The following SRGAP3 variants were observed in gnomAD, a reference collection of about 807,000 sequenced individuals.
SRGAP3 encodes SLIT-ROBO Rho GTPase activating protein 3.
Under a neutral mutation model 121.1 loss-of-function variants are expected in SRGAP3, and 39 were observed. The ratio of observed to expected loss-of-function variants is 0.32; its 90% CI spans 0.25 to 0.42. SRGAP3 has a LOEUF of 0.42. Ranked by LOEUF, SRGAP3 falls within the 10% of genes least tolerant of loss-of-function variation. The probability of loss-of-function intolerance (pLI) is 1.00; values close to 1 mark genes in which losing one functional copy is unlikely to be tolerated. For synonymous variants in SRGAP3, 601 were observed against 570.0 expected, an observed-to-expected ratio of 1.05 and a Z score of -0.77; for missense variants, 1,213 against 1,470.6, an observed-to-expected ratio of 0.82 and a Z score of 2.86.
chr3:9,025,304 T>C lies in SRGAP3; in HGVS notation c.1635A>G (p.Gly545=). 1 of 1,614,166 alleles carries C rather than the reference T, an allele frequency of 6.2e-7. No homozygotes were observed. Among genetic ancestry groups the C allele is most frequent in the East Asian group, 2.2e-5 (1 of 44,890 alleles). ...TGATGTCATTGACTTCCACCTGAGA[T>C]CCTGGCACTCTGAAGATCCCCTGCT... ...LQQQGIFRVP[G]SQVEVNDIKN... The change falls in exon 14 of 22, where the codon GGA becomes GGG. Residue 545 remains glycine (G), a synonymous_variant. Coordinates refer to ENST00000383836, the MANE Select transcript of SRGAP3 (RefSeq NM_014850.4).
chr3:9,252,310 C>G (rs80267437), upstream of SRGAP3, among the ~76,000 whole-genome samples: 12 of 151,268 alleles, frequency 7.9e-5, no homozygotes, highest in East Asian at 2.3e-3. Flanking sequence ...TTTTTTTTTT[C>G]TCAAGATGGG....
At chr3:9,255,502 C>T (rs1315767917) in intron 3 of SRGAP3, among the ~76,000 whole-genome samples, 1 of 152,236 alleles carries the variant, frequency 6.6e-6, no homozygotes, top group Non-Finnish European at 1.5e-5. Flanking sequence ...GGCAAAGTCT[C>T]TCCCAGGAGT....
At chr3:9,041,742 C>A (rs1166605101) in intron 10 of SRGAP3, among the ~76,000 whole-genome samples, 1 of 152,194 alleles carries the variant, frequency 6.6e-6, no homozygotes, top group Non-Finnish European at 1.5e-5. Context: ...TCTCTGAAAC[C>A]AGTGCCATCT....
intron 3 of SRGAP3, among the ~76,000 whole-genome samples, chr3:9,263,113 G>A (rs1347099154): frequency 5.9e-5 from 9 of 152,180 alleles, no homozygotes; most frequent in Non-Finnish European, 1.3e-4. Context: ...GCTCCTGAAT[G>A]ATTATTGGGT....
At chr3:9,325,052 T>A (rs1955495114) in intron 3 of SRGAP3, among the ~76,000 whole-genome samples, 1 of 151,898 alleles carries the variant, frequency 6.6e-6, no homozygotes, top group South Asian at 2.1e-4. Flanking sequence ...GTTACCGTCA[T>A]TTTGGGTTTC....
chr3:9,097,284 C>T (rs1948025045), intron 3 of SRGAP3, among the ~76,000 whole-genome samples: 2 of 151,968 alleles, frequency 1.3e-5, no homozygotes, highest in Non-Finnish European at 2.9e-5. Context: ...AGCCACCATG[C>T]CTGGCCTAAT....
chr3:8,988,876 G>A (rs917568182), intron 21 of SRGAP3, among the ~76,000 whole-genome samples: 5 of 152,122 alleles, frequency 3.3e-5, no homozygotes, highest in Admixed American at 6.5e-5. Context: ...TAATGCCCCC[G>A]CTGATCTGAC....
chr3:9,260,032 T>C (rs1190972134), intron 3 of SRGAP3, among the ~76,000 whole-genome samples: 1 of 151,656 alleles, frequency 6.6e-6, no homozygotes, highest in African/African-American at 2.4e-5. Context: ...TCGCCTTACC[T>C]GGGAAGCACA....
intron 4 of SRGAP3, among the ~76,000 whole-genome samples, chr3:9,071,338 G>A (rs758827810): frequency 6.6e-6 from 1 of 152,046 alleles, no homozygotes; most frequent in Non-Finnish European, 1.5e-5. Context: ...TGGTTCATGG[G>A]AGTTTGACAT....
chr3:9,317,652 G>A (rs1955370261), intron 3 of SRGAP3, among the ~76,000 whole-genome samples: 1 of 152,236 alleles, frequency 6.6e-6, no homozygotes, highest in Non-Finnish European at 1.5e-5. Flanking sequence ...AGAGAAAACA[G>A]AAGTGATGTA....
chr3:9,009,435 A>T (rs976109719), intron 18 of SRGAP3, among the ~76,000 whole-genome samples: 7 of 152,190 alleles, frequency 4.6e-5, no homozygotes, highest in African/African-American at 1.7e-4. Context: ...CCCTTCCTCC[A>T]TTCAAAAAAA....
chr3:9,203,067 G>A (rs900857896), intron 1 of SRGAP3, among the ~76,000 whole-genome samples: 3 of 152,248 alleles, frequency 2.0e-5, no homozygotes, highest in Admixed American at 6.5e-5. Flanking sequence ...CATAGACACC[G>A]ATCCTGAGAG....
At position 9,047,371 on chromosome 3, in the gene SRGAP3, G is replaced by C. The variant is rs750273936; in HGVS notation, c.1408+20C>G. On this transcript the variant is annotated intron_variant, in intron 10 of 21. Transcript: ENST00000383836. ...TGGGGAACGCAGCACCTCCCAGAGGGCCTCCACCAGCCCACTCACCTTCGC... is the reference window on the plus strand; with the variant it reads ...TGGGGAACGCAGCACCTCCCAGAGGCCCTCCACCAGCCCACTCACCTTCGC... 8 of 1,613,374 alleles carry C rather than the reference G, an allele frequency of 5.0e-6. No homozygotes were observed. The East Asian group carries it at 1.8e-4, about 36-fold the overall frequency.
At chr3:9,164,076 C>A (rs977904534) in intron 1 of SRGAP3, among the ~76,000 whole-genome samples, 1 of 143,354 alleles carries the variant, frequency 7.0e-6, no homozygotes, top group Non-Finnish European at 1.5e-5. Context: ...CGGCTCACTG[C>A]AACCTCCGCC....
intron 3 of SRGAP3, among the ~76,000 whole-genome samples, chr3:9,267,034 T>C (rs1011236728): frequency 1.3e-5 from 2 of 152,142 alleles, no homozygotes; most frequent in Admixed American, 6.5e-5. Context: ...TTTTAGGAAA[T>C]GAACGCAGCA....
chr3:9,073,343 C>T (rs1305814953), intron 4 of SRGAP3, among the ~76,000 whole-genome samples: 2 of 152,166 alleles, frequency 1.3e-5, no homozygotes, highest in Non-Finnish European at 2.9e-5. Flanking sequence ...GAGGGTTTTG[C>T]CACGTTGCCC....
At chr3:9,017,674 T>C (rs1305622613) in intron 14 of SRGAP3, among the ~76,000 whole-genome samples, 1 of 152,214 alleles carries the variant, frequency 6.6e-6, no homozygotes, top group Admixed American at 6.5e-5. Flanking sequence ...GTTATGATGA[T>C]GATTGCCTAA....
intron 3 of SRGAP3, among the ~76,000 whole-genome samples, chr3:9,084,995 C>T (rs1947395326): frequency 6.6e-6 from 1 of 152,200 alleles, no homozygotes; most frequent in Non-Finnish European, 1.5e-5. Flanking sequence ...AACCTATTGG[C>T]ATCTTAGCTT....
chr3:9,288,450 T>C (rs192151117), intron 3 of SRGAP3, among the ~76,000 whole-genome samples: 2 of 152,220 alleles, frequency 1.3e-5, no homozygotes, highest in African/African-American at 4.8e-5. Flanking sequence ...TTTCATTCTA[T>C]CTTCCAGAGC....
Sources: allele counts gnomAD v4.1 joint callset (sites outside exome capture counted in the v4.1 genomes callset), GRCh38; gene constraint gnomAD v4.1.1; transcripts MANE v1.5; gene names NCBI Gene and HGNC (gene_info 2026-07-23, HGNC 2026-07-21).